Variants in FANCL observed in about 807,000 individuals in gnomAD.
The protein encoded by FANCL is FA complementation group L.
In FANCL, 69 loss-of-function variants were observed where a neutral mutation model predicts 59.4. The ratio of observed to expected loss-of-function variants is 1.16; its 90% CI spans 0.96 to 1.42. The LOEUF is 1.42. FANCL is among the 40% of genes most tolerant of loss of function. The probability of loss-of-function intolerance (pLI) is 0.00; values close to 1 mark genes in which losing one functional copy is unlikely to be tolerated. For missense variants in FANCL, 519 were observed against 447.2 expected (o/e 1.16, Z -1.45); for synonymous variants, 180 against 147.1 (o/e 1.22, Z -1.62).
chr2:58,219,140 TAAAAAAAAAAAAAAAAAAA>T (rs70954881), intron 5 of FANCL, among the ~76,000 whole-genome samples: 2 of 16,604 alleles, frequency 1.2e-4, no homozygotes, highest in Non-Finnish European at 2.6e-4. Flanking sequence ...AAATACATGC[TAAAAAAAAAAAAAAAAAAA>T]AAAAAAAAAA....
intron 7 of FANCL, among the ~76,000 whole-genome samples, chr2:58,173,896 C>T (rs1166343581): frequency 1.3e-5 from 2 of 152,034 alleles, no homozygotes; most frequent in African/African-American, 4.8e-5. Flanking sequence ...AAACAAATCT[C>T]ACAAGCAGAG....
chr2:58,192,425 A>T (rs1168466164), intron 7 of FANCL, among the ~76,000 whole-genome samples: 1 of 151,954 alleles, frequency 6.6e-6, no homozygotes, highest in East Asian at 1.9e-4. Context: ...GAGTTATAAC[A>T]ACTTAGAAAA....
intron 5 of FANCL, among the ~76,000 whole-genome samples, chr2:58,215,081 T>C (rs993691043): frequency 1.1e-4 from 16 of 152,206 alleles, no homozygotes; most frequent in Non-Finnish European, 2.4e-4. Context: ...TTTCCAACTA[T>C]GCTCTAAAAA....
intron 12 of FANCL, 50 bp downstream of exon 12, chr2:58,161,472 C>A: frequency 9.0e-7 from 1 of 1,108,786 alleles, no homozygotes. Context: ...AGGAATACTT[C>A]CTATGTTGTG....
chr2:58,198,036 TGTGTGTGTGC>T (rs1050742827), intron 7 of FANCL, among the ~76,000 whole-genome samples: 2 of 147,752 alleles, frequency 1.4e-5, no homozygotes, highest in African/African-American at 2.4e-5. Context: ...ATGGTGTGTG[TGTGTGTGTGC>T]GTGTGTGTGT....
chr2:58,187,437 G>A (rs912746684), intron 7 of FANCL, among the ~76,000 whole-genome samples: 3 of 151,002 alleles, frequency 2.0e-5, no homozygotes, highest in East Asian at 3.9e-4. Context: ...GATGGGGAAG[G>A]GATAGCATTA....
At chr2:58,186,001 G>C (rs1459580419) in intron 7 of FANCL, among the ~76,000 whole-genome samples, 2 of 152,168 alleles carry the variant, frequency 1.3e-5, no homozygotes, top group Non-Finnish European at 2.9e-5. Context: ...TAAGAAGTCA[G>C]TGCCTATTAC....
intron 7 of FANCL, among the ~76,000 whole-genome samples, chr2:58,189,514 T>C (rs1259647762): frequency 2.0e-5 from 3 of 152,118 alleles, no homozygotes; most frequent in African/African-American, 4.8e-5. Context: ...TAAATGTATA[T>C]ATATTGGAGA....
chr2:58,169,302 C>T (rs1573546360), intron 7 of FANCL, among the ~76,000 whole-genome samples: 1 of 152,172 alleles, frequency 6.6e-6, no homozygotes, highest in South Asian at 2.1e-4. Context: ...TCCAGCAGAC[C>T]TGCAGCAGAG....
At chr2:58,226,061 T>C (rs1341009613) in intron 4 of FANCL, among the ~76,000 whole-genome samples, 1 of 152,072 alleles carries the variant, frequency 6.6e-6, no homozygotes, top group Non-Finnish European at 1.5e-5. Context: ...TACAGAGGGA[T>C]ACATACAATA....
intron 5 of FANCL, among the ~76,000 whole-genome samples, chr2:58,220,278 T>A (rs904674319): frequency 6.6e-6 from 1 of 152,190 alleles, no homozygotes; most frequent in Non-Finnish European, 1.5e-5. Flanking sequence ...GAAGTATTCA[T>A]AAAAAATTAA....
At chr2:58,177,069 A>T (rs1470230913) in intron 7 of FANCL, among the ~76,000 whole-genome samples, 2 of 152,250 alleles carry the variant, frequency 1.3e-5, no homozygotes, top group Admixed American at 1.3e-4. Context: ...TGCAAATCAA[A>T]ACCACAACGA....
chr2:58,177,573 T>C (rs955253352), intron 7 of FANCL, among the ~76,000 whole-genome samples: 20 of 133,566 alleles, frequency 1.5e-4, no homozygotes, highest in African/African-American at 2.6e-4. Context: ...TAGGTGGGAA[T>C]TGAACAATGA....
chr2:58,239,978 A>G (rs1232736483), intron 1 of FANCL, among the ~76,000 whole-genome samples: 2 of 152,196 alleles, frequency 1.3e-5, no homozygotes, highest in Non-Finnish European at 2.9e-5. Context: ...AATTCTAGCT[A>G]TAGCAATGGT....
intron 5 of FANCL, among the ~76,000 whole-genome samples, chr2:58,208,927 T>C (rs975035285): frequency 2.0e-5 from 3 of 152,296 alleles, no homozygotes; most frequent in Middle Eastern, 6.8e-3. Context: ...TGTTTAGCCC[T>C]AATATGTTAA....
At chr2:58,160,215 A>C (rs768303607) in intron 12 of FANCL, 36 bp from the exon 13 acceptor site, 1 of 1,592,974 alleles carries the variant, frequency 6.3e-7, no homozygotes, top group Admixed American at 1.7e-5. Context: ...AAGCGTCAGC[A>C]TGATTACAAA....
At chr2:58,183,891 T>C (rs1688157931) in intron 7 of FANCL, among the ~76,000 whole-genome samples, 1 of 151,972 alleles carries the variant, frequency 6.6e-6, no homozygotes, top group Non-Finnish European at 1.5e-5. Flanking sequence ...ACAGCTCTCA[T>C]ATTGATGGTA....
chr2:58,187,182 T>C (rs767843173), intron 7 of FANCL, among the ~76,000 whole-genome samples: 2 of 151,984 alleles, frequency 1.3e-5, no homozygotes, highest in Non-Finnish European at 2.9e-5. Context: ...CCATCAATGA[T>C]AGACTGGATT....
At chr2:58,222,384 T>G (rs1261009613) in intron 4 of FANCL, among the ~76,000 whole-genome samples, 1 of 152,090 alleles carries the variant, frequency 6.6e-6, no homozygotes, top group Non-Finnish European at 1.5e-5. Context: ...GAATATGATG[T>G]TTGATATATA....
Sources: gnomAD v4.1 joint callset for allele counts (sites outside exome capture counted in the v4.1 genomes callset) on GRCh38, gnomAD v4.1.1 for gene constraint, MANE v1.5 for transcripts, NCBI Gene and HGNC (gene_info 2026-07-23, HGNC 2026-07-21) for gene names.